ACKR3: variants seen among roughly 807,000 people sequenced by gnomAD.
The protein encoded by ACKR3 is atypical chemokine receptor 3.
A neutral mutation model predicts 22.4 loss-of-function variants in ACKR3; 6 were observed. The ratio of observed to expected loss-of-function variants is 0.27; its 90% CI spans 0.15 to 0.53. The LOEUF (loss-of-function observed/expected upper bound fraction) is 0.53. ACKR3 is among the 20% of genes least tolerant of loss of function. ACKR3 has a pLI of 0.96. For missense variants in ACKR3, 396 were observed against 475.2 expected (o/e 0.83, Z 1.55); for synonymous variants, 209 against 205.2 (o/e 1.02, Z -0.16).
the ACKR3 span, among the ~76,000 whole-genome samples, chr2:236,554,214 C>A: frequency 1.3e-5 from 2 of 152,184 alleles, no homozygotes; most frequent in East Asian, 3.8e-4. Context: ...ACTCTTCATG[C>A]ATCTTATACA....
chr2:236,541,389 T>C, the ACKR3 span, among the ~76,000 whole-genome samples: 1 of 152,208 alleles, frequency 6.6e-6, no homozygotes, highest in Non-Finnish European at 1.5e-5. Flanking sequence ...CATAGCCTTA[T>C]TCAAGTTTCT....
chr2:236,541,184 T>C, the ACKR3 span, among the ~76,000 whole-genome samples: 7 of 152,256 alleles, frequency 4.6e-5, no homozygotes, highest in Admixed American at 2.0e-4. Flanking sequence ...AAGTATAAGT[T>C]GTTGAAAGTT....
At position 236,581,011 on chromosome 2, in the gene ACKR3, C is replaced by T. The variant is rs139568249; in HGVS notation, c.546C>T (p.Tyr182=). 20 of 1,614,062 alleles carry T rather than the reference C, an allele frequency of 1.2e-5. No individual in the cohort carries two copies. Among genetic ancestry groups the T allele is most frequent in the Non-Finnish European group, 1.6e-5 (19 of 1,180,060 alleles). Reference sequence around the variant, plus strand: ...GCGTGTCTCTGCCTGACACCTACTACCTGAAGACCGTCACGTCTGCGTCCA... The same window carrying T: ...GCGTGTCTCTGCCTGACACCTACTATCTGAAGACCGTCACGTCTGCGTCCA... The part of the protein sequence containing the change: ...AFCVSLPDTY[Y]LKTVTSASNN... The change falls in exon 2 of 2, where the codon TAC becomes TAT. Residue 182 remains tyrosine, a synonymous_variant. Coordinates refer to ENST00000272928, the MANE Select transcript of ACKR3 (RefSeq NM_020311.3). The surrounding 1 kb of genome is among the most constrained non-coding windows in gnomAD (Gnocchi z 4.4).
chr2:236,563,038 T>A (rs1358720694), upstream of ACKR3, among the ~76,000 whole-genome samples: 3 of 152,204 alleles, frequency 2.0e-5, no homozygotes, highest in Non-Finnish European at 4.4e-5. Context: ...ATTTCCCCAA[T>A]AACTAAGGAA....
At chr2:236,560,401 G>A in the ACKR3 span, among the ~76,000 whole-genome samples, 1 of 139,400 alleles carries the variant, frequency 7.2e-6, no homozygotes, top group Non-Finnish European at 1.5e-5. Flanking sequence ...TTTTCCTGAT[G>A]ACTAGTGACA....
the ACKR3 span, among the ~76,000 whole-genome samples, chr2:236,551,754 G>T: frequency 5.3e-5 from 8 of 152,328 alleles, 1 homozygote; most frequent in Middle Eastern, 3.4e-3. Context: ...AACCAGCATT[G>T]ATTTATATTT....
chr2:236,568,153 G>A (rs1035925610), upstream of ACKR3, among the ~76,000 whole-genome samples: 3 of 152,236 alleles, frequency 2.0e-5, no homozygotes, highest in Non-Finnish European at 4.4e-5. Flanking sequence ...TCCAGCGACA[G>A]TACACTTAGC....
chr2:236,579,436 C>A (rs1691476475), intron 1 of ACKR3, among the ~76,000 whole-genome samples: 1 of 152,132 alleles, frequency 6.6e-6, no homozygotes, highest in Non-Finnish European at 1.5e-5. Flanking sequence ...TCAGGGCCTT[C>A]CCATGGGCGG....
At chr2:236,539,549 G>A in the ACKR3 span, among the ~76,000 whole-genome samples, 2 of 151,934 alleles carry the variant, frequency 1.3e-5, no homozygotes, top group Non-Finnish European at 2.9e-5. Context: ...CTAACCTCAA[G>A]TGATCCACCT....
At chr2:236,570,599 T>C (rs1327049260) in intron 1 of ACKR3, among the ~76,000 whole-genome samples, 2 of 152,202 alleles carry the variant, frequency 1.3e-5, no homozygotes, top group South Asian at 2.1e-4. Flanking sequence ...TCTTAGAAGG[T>C]GTTAAGTCCA....
At chr2:236,537,848 T>C in the ACKR3 span, among the ~76,000 whole-genome samples, 6 of 152,368 alleles carry the variant, frequency 3.9e-5, no homozygotes, top group East Asian at 1.2e-3. Flanking sequence ...CTTATCAAAT[T>C]CAGTTTTCTT....
chr2:236,557,725 A>G, the ACKR3 span, among the ~76,000 whole-genome samples: 1 of 152,224 alleles, frequency 6.6e-6, no homozygotes, highest in African/African-American at 2.4e-5. Flanking sequence ...TATTAATGAC[A>G]TAGAGAAAAG....
upstream of ACKR3, among the ~76,000 whole-genome samples, chr2:236,563,947 G>C (rs1486535761): frequency 2.0e-5 from 3 of 152,188 alleles, no homozygotes; most frequent in Non-Finnish European, 2.9e-5. Flanking sequence ...GTAGGGGTAT[G>C]AAACTCCAGC....
At chr2:236,556,997 G>A in the ACKR3 span, among the ~76,000 whole-genome samples, 1 of 152,144 alleles carries the variant, frequency 6.6e-6, no homozygotes, top group African/African-American at 2.4e-5. Flanking sequence ...CATTTGTCTT[G>A]TTTTAAGCCA....
At chr2:236,562,421 G>A in the ACKR3 span, among the ~76,000 whole-genome samples, 2 of 152,048 alleles carry the variant, frequency 1.3e-5, no homozygotes, top group Non-Finnish European at 2.9e-5. Flanking sequence ...GTAATGTTCA[G>A]TTATTTTCAG....
At chr2:236,555,993 C>G in the ACKR3 span, among the ~76,000 whole-genome samples, 1 of 152,250 alleles carries the variant, frequency 6.6e-6, no homozygotes, top group Admixed American at 6.5e-5. Flanking sequence ...TTTCCTTTCT[C>G]AACAATTCAG....
At chr2:236,554,467 G>T in the ACKR3 span, among the ~76,000 whole-genome samples, 8 of 152,276 alleles carry the variant, frequency 5.3e-5, no homozygotes, top group Non-Finnish European at 1.2e-4. Context: ...AGGAAGATGG[G>T]ATTAGCAGAC....
At chr2:236,550,686 T>G in the ACKR3 span, among the ~76,000 whole-genome samples, 1 of 152,158 alleles carries the variant, frequency 6.6e-6, no homozygotes. The surrounding 1 kb of genome is among the most constrained non-coding windows in gnomAD (Gnocchi z 4.6). Flanking sequence ...GCATGAAACC[T>G]CTCGGAGCCT....
At chr2:236,546,592 G>A in the ACKR3 span, among the ~76,000 whole-genome samples, 2 of 152,238 alleles carry the variant, frequency 1.3e-5, no homozygotes, top group African/African-American at 4.8e-5. This position sits in a 1 kb window ranked among gnomAD's most constrained non-coding sequence, Gnocchi z 4.9. Flanking sequence ...CCTGCCAGAC[G>A]TGACCACCCT....
Sources: allele counts gnomAD v4.1 joint callset (sites outside exome capture counted in the v4.1 genomes callset), GRCh38; gene constraint gnomAD v4.1.1; non-coding constraint Gnocchi (gnomAD v3.1); transcripts MANE v1.5; gene names NCBI Gene and HGNC (gene_info 2026-07-23, HGNC 2026-07-21).